Variants in AKT1 observed in about 807,000 individuals in gnomAD.
AKT1 encodes AKT serine/threonine kinase 1.
A neutral mutation model predicts 63.1 loss-of-function variants in AKT1; 21 were observed. The ratio of observed to expected loss-of-function variants is 0.33; its 90% CI spans 0.24 to 0.48. The LOEUF (loss-of-function observed/expected upper bound fraction) is 0.48, where lower values mean the gene tolerates loss of function less well. Among genes scored for constraint, AKT1 ranks in the 20% least tolerant of loss-of-function variants. The probability of loss-of-function intolerance (pLI) is 0.99; values close to 1 mark genes in which losing one functional copy is unlikely to be tolerated. For synonymous variants in AKT1, 257 were observed against 253.1 expected (o/e 1.02, Z -0.15); for missense variants, 382 against 666.0 (o/e 0.57, Z 4.69).
intron 4 of AKT1, chr14:104,776,988 C>G: frequency 1.9e-6 from 1 of 524,602 alleles, no homozygotes; most frequent in Non-Finnish European, 3.4e-6. Flanking sequence ...CTGAGGCAGC[C>G]ACACAGGGCA....
intron 5 of AKT1, chr14:104,776,122 C>G (rs1054964593): frequency 4.1e-5 from 12 of 292,208 alleles, no homozygotes; most frequent in Non-Finnish European, 7.6e-5. Context: ...AGGACTCCGC[C>G]CCCCAAGGAG....
intron 3 of AKT1, among the ~76,000 whole-genome samples, chr14:104,787,479 T>TA (rs1893393988): frequency 6.6e-6 from 1 of 152,154 alleles, no homozygotes; most frequent in Non-Finnish European, 1.5e-5. Context: ...CAGTCTCAGC[T>TA]ATGGGAGGGC....
intron 3 of AKT1, among the ~76,000 whole-genome samples, chr14:104,784,498 G>C (rs749101368): frequency 6.6e-6 from 1 of 152,112 alleles, no homozygotes; most frequent in Non-Finnish European, 1.5e-5. Flanking sequence ...CCGATGTCCC[G>C]GGTGGCCCTC....
chr14:104,783,984 T>G (rs1893207165), intron 3 of AKT1, among the ~76,000 whole-genome samples: 1 of 152,186 alleles, frequency 6.6e-6, no homozygotes, highest in Admixed American at 6.5e-5. Flanking sequence ...AGGACGGCAC[T>G]GGGGACTGGT....
chr14:104,782,473 C>T (rs1271233171), intron 3 of AKT1, among the ~76,000 whole-genome samples: 1 of 152,218 alleles, frequency 6.6e-6, no homozygotes, highest in Non-Finnish European at 1.5e-5. Context: ...CAAGCCCAGC[C>T]CCAGGTTCTG....
At chr14:104,794,789 C>T (rs1048085840) in intron 1 of AKT1, among the ~76,000 whole-genome samples, 1 of 152,224 alleles carries the variant, frequency 6.6e-6, no homozygotes, top group Non-Finnish European at 1.5e-5. Flanking sequence ...CCCAAGCTCA[C>T]CCGCTGACCA....
intron 3 of AKT1, among the ~76,000 whole-genome samples, chr14:104,782,804 C>T (rs1192366810): frequency 6.6e-6 from 1 of 152,114 alleles, no homozygotes; most frequent in Non-Finnish European, 1.5e-5. Flanking sequence ...GGAGCAGGAT[C>T]CCCAGGGACC....
At position 104,769,574 on chromosome 14, in the gene AKT1, AC is replaced by A. The variant is rs1255091552; in HGVS notation, c.*766del. ...TTAAGCGTCGAAAAGGTCAAGTGCT[AC>A]CGTGGAGAGATCATCTGAGGGGGAG... On this transcript the variant is annotated 3_prime_UTR_variant, in exon 15 of 15. Coordinates refer to ENST00000649815, the MANE Select transcript of AKT1 (RefSeq NM_001382430.1). 1 of 533,614 alleles carries A rather than the reference AC, an allele frequency of 1.9e-6. No homozygotes were observed. The highest frequency in any genetic ancestry group is 2.2e-5 in the Admixed American group (1 of 44,756). The allele number at this position is 533,614 out of a possible 1,614,324, so 33.1% of individuals were successfully genotyped here.
chr14:104,775,421 G>A (rs1393953801), intron 6 of AKT1: 6 of 1,112,106 alleles, frequency 5.4e-6, no homozygotes, highest in Non-Finnish European at 7.5e-6. Context: ...TCAGGGAAGG[G>A]TGGGGTAACA....
At position 104,775,105 on chromosome 14, in the gene AKT1, T is replaced by A; in HGVS notation, c.538A>T (p.Ile180Phe). Residue 180 changes from isoleucine to phenylalanine, a missense_variant, in exon 7 of 15, where the codon ATC (isoleucine) becomes TTC (phenylalanine). Ile to Phe is a conservative substitution (Grantham distance 21). This residue lies in a region of AKT1 where 226 missense variants were observed against 366.4 expected (regional missense o/e 0.62). Transcript: ENST00000649815. ...KATGRYYAMKILKKEVIVAKD... is the reference protein window; with the variant it reads ...KATGRYYAMKFLKKEVIVAKD... ...GCCACGATGACTTCCTTCTTGAGGA[T>A]CTTCATGGCGTAGTAGCGGCCTGTG... 1 of 1,614,022 alleles carries A rather than the reference T, an allele frequency of 6.2e-7. No individual in the cohort carries two copies. The highest frequency in any genetic ancestry group is 8.5e-7 in the Non-Finnish European group (1 of 1,180,016).
intron 4 of AKT1, chr14:104,777,125 CA>C (rs1241802276): frequency 3.8e-6 from 1 of 260,206 alleles, no homozygotes; most frequent in Non-Finnish European, 7.5e-6. Flanking sequence ...GAGGGGCTGG[CA>C]TGAGGGGGGC....
chr14:104,782,425 C>T (rs1362122793), intron 3 of AKT1, among the ~76,000 whole-genome samples: 3 of 152,206 alleles, frequency 2.0e-5, no homozygotes, highest in African/African-American at 7.2e-5. Flanking sequence ...ACGCAGCTCC[C>T]GTGCCCAACC....
intron 3 of AKT1, among the ~76,000 whole-genome samples, 182 bp downstream of exon 3, chr14:104,792,416 C>A (rs1370920809): frequency 2.6e-5 from 4 of 152,140 alleles, no homozygotes; most frequent in African/African-American, 9.7e-5. Context: ...TCCTGGCCTC[C>A]CCGAGGCCGT....
At chr14:104,775,337 G>A (rs747418651) in intron 6 of AKT1, 130 bp from the exon 7 acceptor site, 315 of 1,487,260 alleles carry the variant, frequency 2.1e-4, no homozygotes, top group Non-Finnish European at 2.7e-4. Flanking sequence ...CACACCTGGT[G>A]GCCTACTGGG....
chr14:104,775,177 G>T lies in AKT1; in HGVS notation c.466C>A (p.Leu156Met). The change falls in exon 7 of 15, where the codon CTG (leucine) becomes ATG (methionine). Residue 156 changes from leucine (L) to methionine (M), a missense_variant. Coordinates refer to ENST00000649815, the MANE Select transcript of AKT1 (RefSeq NM_001382430.1). ...ACCTTGCCGAAAGTGCCCTTGCCCAGCAGCTTCAGGTACTCAAACTCGTTC... is the reference window on the plus strand; with the variant it reads ...ACCTTGCCGAAAGTGCCCTTGCCCATCAGCTTCAGGTACTCAAACTCGTTC... ...TMNEFEYLKLLGKGTFGKVIL... is the reference protein window; with the variant it reads ...TMNEFEYLKLMGKGTFGKVIL... 6.2e-7 allele frequency: 1 copy of T among 1,614,068 alleles called. No individual in the cohort carries two copies. The highest frequency in any genetic ancestry group is 8.5e-7 in the Non-Finnish European group (1 of 1,180,030).
intron 3 of AKT1, 52 bp from the exon 4 acceptor site, chr14:104,780,268 C>A (rs373196870): frequency 1.3e-6 from 2 of 1,594,962 alleles, no homozygotes; most frequent in East Asian, 2.3e-5. Flanking sequence ...GTCAGACCCT[C>A]GCCAGGCAGC....
At chr14:104,778,973 C>T (rs1259053154) in intron 4 of AKT1, among the ~76,000 whole-genome samples, 1 of 152,220 alleles carries the variant, frequency 6.6e-6, no homozygotes. Context: ...ACAACTGGGC[C>T]CTAATTAGCC....
intron 1 of AKT1, 144 bp from the exon 2 acceptor site, chr14:104,793,448 T>C: frequency 5.0e-6 from 1 of 201,158 alleles, no homozygotes; most frequent in African/African-American, 2.3e-5. Context: ...ACAGCGCCCC[T>C]GCCGGTCTGA....
chr14:104,792,234 C>T (rs970353270), intron 3 of AKT1, among the ~76,000 whole-genome samples: 5 of 152,212 alleles, frequency 3.3e-5, no homozygotes, highest in African/African-American at 1.2e-4. Context: ...GCCCTGCCCT[C>T]AGGAGCCCTT....
Sources: gnomAD v4.1 joint callset for allele counts (sites outside exome capture counted in the v4.1 genomes callset) on GRCh38, gnomAD v4.1.1 for gene constraint, gnomAD v4.1.1 regional missense constraint, MANE v1.5 for transcripts, NCBI Gene and HGNC (gene_info 2026-07-23, HGNC 2026-07-21) for gene names.